The following ALG12 variants were observed in gnomAD, a reference collection of about 807,000 sequenced individuals.
The protein encoded by ALG12 is dol-P-Man:Man(7)GlcNAc(2)-PP-Dol alpha-1,6-mannosyltransferase.
In ALG12, 36 loss-of-function variants were observed where a neutral mutation model predicts 46.0. That is an observed-to-expected ratio of 0.78 (90% CI 0.60 to 1.03). ALG12 has a LOEUF of 1.03. Ranked by LOEUF, ALG12 falls within the 50% of genes least tolerant of loss-of-function variation. The probability of loss-of-function intolerance (pLI) is 0.00; values close to 1 mark genes in which losing one functional copy is unlikely to be tolerated. For missense variants in ALG12, 599 were observed against 633.5 expected, an observed-to-expected ratio of 0.95 and a Z score of 0.58; for synonymous variants, 326 against 291.6, an observed-to-expected ratio of 1.12 and a Z score of -1.20.
chr22:49,879,247 C>G, the ALG12 span, among the ~76,000 whole-genome samples: 1 of 151,626 alleles, frequency 6.6e-6, no homozygotes, highest in South Asian at 2.1e-4. Flanking sequence ...GCCTCAGCCT[C>G]CCGAGTAGCT....
At chr22:49,878,495 T>G in the ALG12 span, among the ~76,000 whole-genome samples, 18 of 152,278 alleles carry the variant, frequency 1.2e-4, no homozygotes, top group South Asian at 3.7e-3. Context: ...ACATGGGCAC[T>G]TCATGGAGAA....
chr22:49,869,983 CCTCA>C, the ALG12 span, among the ~76,000 whole-genome samples: 1 of 152,240 alleles, frequency 6.6e-6, no homozygotes, highest in African/African-American at 2.4e-5. Flanking sequence ...CTCCCTCACT[CCTCA>C]CTCTCGCAGT....
At chr22:49,915,798 G>A (rs4074304) in intron 1 of ALG12, among the ~76,000 whole-genome samples, 35,066 of 151,982 alleles carry the variant, frequency 0.23, 4,491 homozygotes, top group African/African-American at 0.34. Context: ...AGGCTGCCTC[G>A]CTGCCACCTC....
At chr22:49,859,390 A>T in the ALG12 span, among the ~76,000 whole-genome samples, 10 of 152,162 alleles carry the variant, frequency 6.6e-5, no homozygotes, top group East Asian at 1.7e-3. Context: ...TGATGCTCAA[A>T]TAGCTATAAA....
At chr22:49,877,771 T>C in the ALG12 span, among the ~76,000 whole-genome samples, 1 of 152,266 alleles carries the variant, frequency 6.6e-6, no homozygotes, top group South Asian at 2.1e-4. Flanking sequence ...GCAGGTGGCA[T>C]GGACACACAC....
At chr22:49,896,972 A>G (rs190608160), downstream of ALG12, among the ~76,000 whole-genome samples, 47 of 151,666 alleles carry the variant, frequency 3.1e-4, no homozygotes, top group Non-Finnish European at 1.9e-4. Flanking sequence ...GAAAATTCCC[A>G]GTCAAAAAAA....
chr22:49,885,041 A>G, the ALG12 span: 1 of 1,612,264 alleles, frequency 6.2e-7, no homozygotes, highest in African/African-American at 1.3e-5. Context: ...CTGAAGTCGG[A>G]GGTCTGGCAT....
rs892323222 is a variant in ALG12, at chr22:49,900,284, A to T, written c.*3554T>A. 6.6e-6 allele frequency: 1 copy of T among 152,220 alleles called. No individual in the cohort carries two copies. The highest frequency in any genetic ancestry group is 6.5e-5 in the Admixed American group (1 of 15,280). The allele number at this position is 152,220 out of a possible 1,614,324, so 9.4% of individuals were successfully genotyped here. A position where few individuals can be genotyped will look rare whatever the true frequency, so the allele number is the denominator to read the frequency against. ...AAACACATGGGAGATAAACCAGGAGACAATTATGCTCATTACCAAAAAGCG... is the reference window on the plus strand; with the variant it reads ...AAACACATGGGAGATAAACCAGGAGTCAATTATGCTCATTACCAAAAAGCG... On this transcript the variant is annotated 3_prime_UTR_variant, in exon 10 of 10. Transcript: ENST00000330817.
At chr22:49,880,862 T>G in the ALG12 span, among the ~76,000 whole-genome samples, 12 of 152,192 alleles carry the variant, frequency 7.9e-5, no homozygotes, top group African/African-American at 2.9e-4. Context: ...ATCCATGAAC[T>G]TGGTATATTT....
chr22:49,897,513 A>C (rs560927582), downstream of ALG12, among the ~76,000 whole-genome samples: 1 of 152,324 alleles, frequency 6.6e-6, no homozygotes, highest in Non-Finnish European at 1.5e-5. Flanking sequence ...GATTTTGGCC[A>C]TCCTAACAAG....
At chr22:49,913,202 G>A (rs942504306) in intron 3 of ALG12, among the ~76,000 whole-genome samples, 183 bp downstream of exon 3, 1 of 152,194 alleles carries the variant, frequency 6.6e-6, no homozygotes, top group East Asian at 1.9e-4. Context: ...AGGCACAGAG[G>A]GGCTGACTCA....
chr22:49,901,805 GGT>G lies in ALG12; in HGVS notation c.*2031_*2032del, dbSNP rs919717161. 2.1e-5 allele frequency: 3 copies of G among 144,718 alleles called. No individual in the cohort carries two copies. Among genetic ancestry groups the G allele is most frequent in the Admixed American group, 6.7e-5 (1 of 14,856 alleles). 9.0% of individuals were successfully genotyped at this position (144,718 alleles called of 1,614,324 possible). ...TGCACTGTGTGTGGTATGTATGCAT[GGT>G]GTGTGCACGTGTGCACTGTGTGTAT... is the stretch of plus-strand genomic sequence containing the variant. On this transcript the variant is annotated 3_prime_UTR_variant, in exon 10 of 10. Coordinates refer to ENST00000330817, the MANE Select transcript of ALG12 (RefSeq NM_024105.4).
rs957469088 is a variant in ALG12, at chr22:49,905,716, G to A, written c.993-1210C>T. On this transcript the variant is annotated intron_variant, in intron 7 of 9. Coordinates refer to ENST00000330817, the MANE Select transcript of ALG12 (RefSeq NM_024105.4). This position sits in a 1 kb window ranked among gnomAD's most constrained non-coding sequence, Gnocchi z 4.9. Reference sequence around the variant, plus strand: ...CTTCCCGTACAGCCTGCGGAACCGCGAGCCAATGAAGCCTCCTCTTTATAA... The same window carrying A: ...CTTCCCGTACAGCCTGCGGAACCGCAAGCCAATGAAGCCTCCTCTTTATAA... Among the ~76,000 whole-genome samples the A allele has an allele frequency of 2.0e-5, 3 of 152,216 alleles. No homozygotes were observed. The highest frequency in any genetic ancestry group is 2.9e-5 in the Non-Finnish European group (2 of 68,030).
At chr22:49,883,556 G>GAC in the ALG12 span, 1 of 1,394,624 alleles carries the variant, frequency 7.2e-7, no homozygotes, top group African/African-American at 1.5e-5. Flanking sequence ...CCTGAAAGAT[G>GAC]GAATTATGAC....
At chr22:49,898,154 T>C (rs931763041), downstream of ALG12, among the ~76,000 whole-genome samples, 2 of 151,156 alleles carry the variant, frequency 1.3e-5, no homozygotes, top group African/African-American at 2.4e-5. Flanking sequence ...GCATACACCA[T>C]CACACCTGAA....
the ALG12 span, chr22:49,887,239 AGGTCTATGACCC>A: frequency 6.5e-7 from 1 of 1,535,862 alleles, no homozygotes; most frequent in Non-Finnish European, 8.8e-7. Flanking sequence ...AGCCTGTACC[AGGTCTATGACCC>A]GCTCTGCCCA....
the ALG12 span, among the ~76,000 whole-genome samples, chr22:49,874,781 C>G: frequency 1.4e-5 from 2 of 145,266 alleles, no homozygotes; most frequent in Admixed American, 7.0e-5. Context: ...CGTCCAGGTT[C>G]AAGCGATTCT....
At chr22:49,862,025 T>C in the ALG12 span, among the ~76,000 whole-genome samples, 10 of 152,314 alleles carry the variant, frequency 6.6e-5, no homozygotes, top group African/African-American at 2.2e-4. Flanking sequence ...CATTTGGATT[T>C]TTGCCAGGAT....
At chr22:49,912,687 G>A (rs1039064806) in intron 3 of ALG12, among the ~76,000 whole-genome samples, 1 of 152,212 alleles carries the variant, frequency 6.6e-6, no homozygotes, top group Non-Finnish European at 1.5e-5. Flanking sequence ...ATAAAAAAGT[G>A]GTGATTGCTG....
Sources: allele counts gnomAD v4.1 joint callset (sites outside exome capture counted in the v4.1 genomes callset), GRCh38; gene constraint gnomAD v4.1.1; non-coding constraint Gnocchi (gnomAD v3.1); transcripts MANE v1.5; gene names NCBI Gene and HGNC (gene_info 2026-07-23, HGNC 2026-07-21).